The following HS3ST3A1 variants were observed in gnomAD, a reference collection of about 807,000 sequenced individuals.
HS3ST3A1 encodes heparan sulfate glucosamine 3-O-sulfotransferase 3A1.
In HS3ST3A1, 19 loss-of-function variants were observed where a neutral mutation model predicts 25.7. That is an observed-to-expected ratio of 0.74 (90% CI 0.52 to 1.08). The LOEUF (loss-of-function observed/expected upper bound fraction) is 1.08. Among genes scored for constraint, HS3ST3A1 ranks in the 50% least tolerant of loss-of-function variants. HS3ST3A1 has a pLI of 0.00. For synonymous variants in HS3ST3A1, 226 were observed against 278.6 expected (o/e 0.81, Z 1.88); for missense variants, 459 against 594.3 (o/e 0.77, Z 2.37).
intron 1 of HS3ST3A1, among the ~76,000 whole-genome samples, chr17:13,502,675 C>T (rs535989241): frequency 1.3e-5 from 2 of 152,170 alleles, no homozygotes; most frequent in Admixed American, 1.3e-4. Context: ...TATTTTTAAC[C>T]AATGATATTT....
chr17:13,573,389 A>G (rs1183541187), intron 1 of HS3ST3A1, among the ~76,000 whole-genome samples: 2 of 152,174 alleles, frequency 1.3e-5, no homozygotes, highest in African/African-American at 4.8e-5. Context: ...GGTTCCACCT[A>G]GAACTCGAAG....
In HS3ST3A1 at chr17:13,578,286, G is replaced by A. The variant is rs570661402; in HGVS notation, c.599+22245C>T. 6.7e-5 allele frequency among the ~76,000 whole-genome samples: 10 copies of A among 149,982 alleles called. 1 individual carries two copies. The highest frequency in any genetic ancestry group is 2.0e-4 in the East Asian group (1 of 4,994). ...TTCCAGGCCGGGAATGGTGGCTCAC[G>A]CCTGTAATCTCAGAGCTTTGTGAGG... On this transcript the variant is annotated intron_variant, in intron 1 of 1. Coordinates refer to ENST00000284110, the MANE Select transcript of HS3ST3A1 (RefSeq NM_006042.3).
At chr17:13,567,815 A>C (rs532458321) in intron 1 of HS3ST3A1, among the ~76,000 whole-genome samples, 1 of 152,350 alleles carries the variant, frequency 6.6e-6, no homozygotes, top group East Asian at 1.9e-4. Context: ...GAACGAAGAA[A>C]GTGGTTTCTT....
intron 1 of HS3ST3A1, among the ~76,000 whole-genome samples, chr17:13,547,929 T>C (rs1907130758): frequency 7.5e-6 from 1 of 134,102 alleles, no homozygotes; most frequent in African/African-American, 3.1e-5. Context: ...AGTTGGAGAA[T>C]TGGTTGGTGT....
At chr17:13,550,884 G>A (rs1043708773) in intron 1 of HS3ST3A1, among the ~76,000 whole-genome samples, 1 of 151,834 alleles carries the variant, frequency 6.6e-6, no homozygotes, top group Admixed American at 6.6e-5. Flanking sequence ...CTGGCTAGCA[G>A]AGTGAAACCC....
At chr17:13,504,596 G>A (rs1905595910) in intron 1 of HS3ST3A1, among the ~76,000 whole-genome samples, 1 of 152,106 alleles carries the variant, frequency 6.6e-6, no homozygotes, top group Non-Finnish European at 1.5e-5. Flanking sequence ...CTTGAGCTGT[G>A]TCCCATGATT....
At chr17:13,498,285 G>T (rs1029480272) in intron 1 of HS3ST3A1, among the ~76,000 whole-genome samples, 15 of 152,124 alleles carry the variant, frequency 9.9e-5, no homozygotes, top group Non-Finnish European at 2.2e-4. Context: ...TGCAGGTACT[G>T]GGACTCAGAA....
intron 1 of HS3ST3A1, among the ~76,000 whole-genome samples, chr17:13,595,313 C>T (rs954188758): frequency 2.0e-5 from 3 of 152,158 alleles, no homozygotes; most frequent in African/African-American, 4.8e-5. Flanking sequence ...AACAGTGCCC[C>T]CCAAATTCTT....
At chr17:13,579,377 A>G (rs1175270579) in intron 1 of HS3ST3A1, among the ~76,000 whole-genome samples, 2 of 152,078 alleles carry the variant, frequency 1.3e-5, no homozygotes, top group East Asian at 3.9e-4. Flanking sequence ...AGTACCTTAA[A>G]GGGGTAATGA....
At chr17:13,539,122 C>T (rs1240527193) in intron 1 of HS3ST3A1, among the ~76,000 whole-genome samples, 2 of 152,140 alleles carry the variant, frequency 1.3e-5, no homozygotes, top group South Asian at 2.1e-4. Flanking sequence ...TGGGCCTCTC[C>T]TCAGCAGGGT....
chr17:13,501,008 CA>C (rs1350293404), intron 1 of HS3ST3A1, among the ~76,000 whole-genome samples: 1 of 152,106 alleles, frequency 6.6e-6, no homozygotes, highest in Non-Finnish European at 1.5e-5. Flanking sequence ...AATCCAGTGA[CA>C]AAAAGACAAA....
chr17:13,524,309 G>A (rs1219745223), intron 1 of HS3ST3A1, among the ~76,000 whole-genome samples: 3 of 152,116 alleles, frequency 2.0e-5, no homozygotes, highest in African/African-American at 7.2e-5. Context: ...CCAGGCCAGA[G>A]TGCAGTGACA....
intron 1 of HS3ST3A1, among the ~76,000 whole-genome samples, chr17:13,503,173 C>CAAAAAA (rs144678351): frequency 1.2e-4 from 10 of 86,858 alleles, no homozygotes; most frequent in Non-Finnish European, 1.4e-4. Context: ...GACTCCATCT[C>CAAAAAA]AAAAAAAAAA....
At chr17:13,545,862 A>G (rs996720641) in intron 1 of HS3ST3A1, among the ~76,000 whole-genome samples, 22 of 152,254 alleles carry the variant, frequency 1.4e-4, no homozygotes, top group African/African-American at 5.3e-4. Flanking sequence ...ATAGAGTCCC[A>G]GCTACTCAGG....
chr17:13,528,593 A>G (rs1422954205), intron 1 of HS3ST3A1, among the ~76,000 whole-genome samples: 1 of 152,156 alleles, frequency 6.6e-6, no homozygotes, highest in Non-Finnish European at 1.5e-5. Context: ...ACTTGTACAG[A>G]GTTCCCTCTC....
At chr17:13,514,383 T>G (rs1389103874) in intron 1 of HS3ST3A1, among the ~76,000 whole-genome samples, 1 of 152,194 alleles carries the variant, frequency 6.6e-6, no homozygotes, top group Non-Finnish European at 1.5e-5. Context: ...ACTTGTATTT[T>G]ATTTATTTTT....
chr17:13,500,901 A>G (rs1488948787), intron 1 of HS3ST3A1, among the ~76,000 whole-genome samples: 2 of 152,240 alleles, frequency 1.3e-5, no homozygotes, highest in African/African-American at 4.8e-5. Flanking sequence ...GAACGGATAA[A>G]CAAAATGTGG....
chr17:13,540,128 A>C (rs1906887881), intron 1 of HS3ST3A1, among the ~76,000 whole-genome samples: 1 of 152,208 alleles, frequency 6.6e-6, no homozygotes, highest in Non-Finnish European at 1.5e-5. Context: ...TTTGTGAGTG[A>C]GAAAGTAAAC....
intron 1 of HS3ST3A1, among the ~76,000 whole-genome samples, chr17:13,501,163 T>C (rs1361036024): frequency 6.6e-6 from 1 of 152,190 alleles, no homozygotes; most frequent in Admixed American, 6.5e-5. Flanking sequence ...TTCGTAAGAT[T>C]AAAAGAGTTG....
Sources: allele counts gnomAD v4.1 joint callset (sites outside exome capture counted in the v4.1 genomes callset), GRCh38; gene constraint gnomAD v4.1.1; transcripts MANE v1.5; gene names NCBI Gene and HGNC (gene_info 2026-07-23, HGNC 2026-07-21).